GLIS3: variants seen among roughly 807,000 people sequenced by gnomAD.
The protein encoded by GLIS3 is GLIS family zinc finger 3.
GLIS3 carries 53 observed loss-of-function variants against 78.6 expected under a neutral mutation model. The observed-to-expected ratio is 0.67, with a 90% confidence interval of 0.54 to 0.85. The LOEUF (loss-of-function observed/expected upper bound fraction) is 0.85, where lower values mean the gene tolerates loss of function less well. Ranked by LOEUF, GLIS3 falls within the 40% of genes least tolerant of loss-of-function variation. GLIS3 has a pLI of 0.00. For missense variants in GLIS3, 1,703 were observed against 1,231.1 expected, an observed-to-expected ratio of 1.38 and a Z score of -5.74; for synonymous variants, 684 against 509.9, an observed-to-expected ratio of 1.34 and a Z score of -4.60.
intron 4 of GLIS3, among the ~76,000 whole-genome samples, chr9:4,019,360 A>G (rs1213459966): frequency 6.6e-6 from 1 of 152,168 alleles, no homozygotes; most frequent in Non-Finnish European, 1.5e-5. Flanking sequence ...GTAGGAATAG[A>G]CACCACATGT....
At chr9:4,168,260 G>A (rs1283027568) in intron 2 of GLIS3, among the ~76,000 whole-genome samples, 1 of 151,768 alleles carries the variant, frequency 6.6e-6, no homozygotes, top group Admixed American at 6.6e-5. Context: ...GTAAATCACT[G>A]TCTAAAGTAT....
the GLIS3 span, among the ~76,000 whole-genome samples, chr9:4,400,326 G>A: frequency 4.6e-5 from 7 of 152,302 alleles, no homozygotes; most frequent in East Asian, 1.2e-3. Context: ...TGGGATAAAA[G>A]CAGGCAGGCT....
At chr9:4,077,071 C>T (rs948248667) in intron 4 of GLIS3, among the ~76,000 whole-genome samples, 1 of 149,304 alleles carries the variant, frequency 6.7e-6, no homozygotes, top group Non-Finnish European at 1.5e-5. Context: ...AAAACAATAA[C>T]AACGATGATG....
intron 2 of GLIS3, among the ~76,000 whole-genome samples, chr9:4,256,036 A>AC (rs1824904708): frequency 6.6e-6 from 1 of 150,756 alleles, no homozygotes; most frequent in Non-Finnish European, 1.5e-5. Flanking sequence ...AACTAAGTCT[A>AC]TTTTTTTTTT....
At chr9:4,336,857 A>AC (rs1429493083) in intron 2 of GLIS3, among the ~76,000 whole-genome samples, 32 of 152,348 alleles carry the variant, frequency 2.1e-4, no homozygotes, top group African/African-American at 7.7e-4. Flanking sequence ...AAAGAGGTCT[A>AC]CAAAGTTATC....
intron 2 of GLIS3, among the ~76,000 whole-genome samples, chr9:4,168,663 T>G (rs1816099071): frequency 6.6e-6 from 1 of 152,212 alleles, no homozygotes; most frequent in South Asian, 2.1e-4. Flanking sequence ...TAAAAAAGAT[T>G]TATGTATCAT....
At chr9:4,249,271 C>G (rs1379011459) in intron 2 of GLIS3, among the ~76,000 whole-genome samples, 1 of 152,018 alleles carries the variant, frequency 6.6e-6, no homozygotes, top group Admixed American at 6.6e-5. Flanking sequence ...ATGTCCTTCC[C>G]TTTGTTTGTG....
At chr9:4,130,397 T>C (rs1832886784) in intron 2 of GLIS3, among the ~76,000 whole-genome samples, 1 of 152,230 alleles carries the variant, frequency 6.6e-6, no homozygotes, top group Non-Finnish European at 1.5e-5. Flanking sequence ...GCAGCACCTC[T>C]CATCACAGGC....
intron 2 of GLIS3, among the ~76,000 whole-genome samples, chr9:4,249,576 G>C (rs202024372): frequency 6.6e-6 from 1 of 152,018 alleles, no homozygotes; most frequent in African/African-American, 2.4e-5. Context: ...AGAGACAATT[G>C]GACTTCCTCT....
intron 2 of GLIS3, among the ~76,000 whole-genome samples, chr9:4,165,724 G>A (rs181290926): frequency 6.6e-6 from 1 of 152,314 alleles, no homozygotes; most frequent in South Asian, 2.1e-4. Context: ...TATCCAGATA[G>A]AACTACAAAT....
intron 2 of GLIS3, among the ~76,000 whole-genome samples, chr9:4,159,027 G>GAAA (rs1178892650): frequency 2.5e-4 from 1 of 4,024 alleles, no homozygotes; most frequent in Non-Finnish European, 5.4e-4. Flanking sequence ...AGAGAAAGGA[G>GAAA]AAGAAGAAAA....
At chr9:4,001,635 C>T (rs1821127910) in intron 4 of GLIS3, among the ~76,000 whole-genome samples, 1 of 152,124 alleles carries the variant, frequency 6.6e-6, no homozygotes, top group African/African-American at 2.4e-5. Flanking sequence ...CAAATTAAGC[C>T]TTCTCTTAAA....
chr9:4,226,363 T>C (rs913379917), intron 2 of GLIS3, among the ~76,000 whole-genome samples: 2 of 152,168 alleles, frequency 1.3e-5, no homozygotes, highest in Non-Finnish European at 2.9e-5. Flanking sequence ...ATACTCAGTA[T>C]TTCGCATGTT....
At chr9:4,243,522 C>T (rs1267632831) in intron 2 of GLIS3, among the ~76,000 whole-genome samples, 1 of 152,162 alleles carries the variant, frequency 6.6e-6, no homozygotes, top group Non-Finnish European at 1.5e-5. Flanking sequence ...CGCATTCTCT[C>T]TACTTAGTAG....
At chr9:4,413,465 T>G in the GLIS3 span, among the ~76,000 whole-genome samples, 1 of 152,182 alleles carries the variant, frequency 6.6e-6, no homozygotes, top group South Asian at 2.1e-4. Context: ...CCTGCACATT[T>G]TGAACTCTGG....
At chr9:3,979,730 A>G (rs1588372231) in intron 4 of GLIS3, among the ~76,000 whole-genome samples, 1 of 152,224 alleles carries the variant, frequency 6.6e-6, no homozygotes, top group East Asian at 1.9e-4. Context: ...AGTAGGATCC[A>G]CAGGCATCAA....
chr9:3,854,804 A>C (rs905683787), intron 9 of GLIS3, among the ~76,000 whole-genome samples: 2 of 151,836 alleles, frequency 1.3e-5, no homozygotes, highest in African/African-American at 4.8e-5. Flanking sequence ...TCGGCCTCCC[A>C]AAGTGCTGGG....
At chr9:4,110,586 C>A (rs962186107) in intron 4 of GLIS3, among the ~76,000 whole-genome samples, 1 of 152,128 alleles carries the variant, frequency 6.6e-6, no homozygotes, top group Non-Finnish European at 1.5e-5. Flanking sequence ...CCTATATGAG[C>A]GATGACACCT....
intron 4 of GLIS3, among the ~76,000 whole-genome samples, chr9:4,007,865 C>T (rs951904941): frequency 1.0e-5 from 1 of 97,706 alleles, no homozygotes; most frequent in Non-Finnish European, 2.0e-5. Context: ...CTCCAAATAC[C>T]CATGGCAGGT....
Sources: allele counts gnomAD v4.1 joint callset (sites outside exome capture counted in the v4.1 genomes callset), GRCh38; gene constraint gnomAD v4.1.1; transcripts MANE v1.5; gene names NCBI Gene and HGNC (gene_info 2026-07-23, HGNC 2026-07-21).